Variants in ATP8A2 observed in about 807,000 individuals in gnomAD.
The protein encoded by ATP8A2 is ATPase phospholipid transporting 8A2, also known as phospholipid-transporting ATPase IB.
In ATP8A2, 100 loss-of-function variants were observed where a neutral mutation model predicts 165.6. That is an observed-to-expected ratio of 0.60 (90% CI 0.51 to 0.71). The LOEUF (loss-of-function observed/expected upper bound fraction) is 0.71, where lower values mean the gene tolerates loss of function less well. Ranked by LOEUF, ATP8A2 falls within the 30% of genes least tolerant of loss-of-function variation. ATP8A2 has a pLI of 0.00. For missense variants in ATP8A2, 1,227 were observed against 1,479.5 expected (o/e 0.83, Z 2.80); for synonymous variants, 543 against 548.8 (o/e 0.99, Z 0.15).
intron 10 of ATP8A2, among the ~76,000 whole-genome samples, chr13:25,546,312 A>G (rs1206639214): frequency 6.6e-6 from 1 of 152,206 alleles, no homozygotes; most frequent in Non-Finnish European, 1.5e-5. Flanking sequence ...GCTCATGTAT[A>G]GAATGATGGA....
intron 33 of ATP8A2, among the ~76,000 whole-genome samples, chr13:25,932,533 G>A (rs1355823273): frequency 6.6e-6 from 1 of 152,222 alleles, no homozygotes; most frequent in Non-Finnish European, 1.5e-5. Flanking sequence ...ATCAAAGGCT[G>A]CAGGTTTTCT....
At position 25,454,879 on chromosome 13, in the gene ATP8A2, G is replaced by A. The variant is rs189846575; in HGVS notation, c.77-14098G>A. Among the ~76,000 whole-genome samples the A allele has an allele frequency of 2.1e-3, 316 of 152,250 alleles. 1 individual carries two copies. The highest frequency in any genetic ancestry group is 3.6e-3 in the Non-Finnish European group (242 of 68,034). On this transcript the variant is annotated intron_variant, in intron 1 of 36. Coordinates refer to ENST00000381655, the MANE Select transcript of ATP8A2 (RefSeq NM_016529.6). ...GGAGGTTGCAGTGAGCCGAGATCAC[G>A]CCACTGTACTCCAGCCTCGCCGACA...
intron 24 of ATP8A2, among the ~76,000 whole-genome samples, chr13:25,639,464 T>C (rs1444452300): frequency 6.6e-6 from 1 of 152,148 alleles, no homozygotes; most frequent in East Asian, 1.9e-4. Flanking sequence ...TAGTCTCTGA[T>C]AAAACAGACT....
At position 25,530,582 on chromosome 13, in the gene ATP8A2, A is replaced by G; in HGVS notation, c.342A>G (p.Pro114=). The stretch of plus-strand genomic sequence containing the variant: ...TCCAGCAAATTCCAGATGTATCTCC[A>G]ACAGGAAGATATACCACCCTGGTGC... ...ALLQQIPDVS[P]TGRYTTLVPL... The change falls in exon 4 of 37, where the codon CCA becomes CCG. Residue 114 remains proline, a synonymous_variant. Transcript: ENST00000381655. The G allele has an allele frequency of 6.3e-7, 1 of 1,584,156 alleles. No homozygotes were observed. The highest frequency in any genetic ancestry group is 2.2e-5 in the East Asian group (1 of 44,472).
At chr13:25,657,085 A>C (rs2041948871) in intron 24 of ATP8A2, among the ~76,000 whole-genome samples, 1 of 145,414 alleles carries the variant, frequency 6.9e-6, no homozygotes, top group African/African-American at 2.5e-5. Flanking sequence ...AAAAAAAGAC[A>C]GATAGTTTTC....
rs146858467 is a variant in ATP8A2, at chr13:25,777,008, G to A, written c.2679+2049G>A. Among the ~76,000 whole-genome samples, 557 of 152,080 alleles carry A rather than the reference G, an allele frequency of 3.7e-3. 4 individuals are homozygous for A. Among genetic ancestry groups the A allele is most frequent in the African/African-American group, 0.013 (544 of 41,472 alleles). Reference sequence around the variant, plus strand: ...ACTTCAAGTGGGCTGAGTCTGAGAAGAGTGCAATTTTAGTCTGCCTGAAAA... The same window carrying A: ...ACTTCAAGTGGGCTGAGTCTGAGAAAAGTGCAATTTTAGTCTGCCTGAAAA... On this transcript the variant is annotated intron_variant, in intron 27 of 36. Transcript: ENST00000381655.
chr13:25,603,817 G>C (rs1380845657), intron 24 of ATP8A2, among the ~76,000 whole-genome samples: 1 of 152,170 alleles, frequency 6.6e-6, no homozygotes, highest in Non-Finnish European at 1.5e-5. Flanking sequence ...AGCAGGTAAG[G>C]TGGGGGAATA....
intron 1 of ATP8A2, among the ~76,000 whole-genome samples, chr13:25,448,097 A>T (rs2035118014): frequency 6.6e-6 from 1 of 152,178 alleles, no homozygotes; most frequent in African/African-American, 2.4e-5. Context: ...TGAAGCCCTC[A>T]TTTAGGGCCA....
chr13:25,757,730 G>A (rs1011541269), intron 25 of ATP8A2, among the ~76,000 whole-genome samples: 2 of 152,126 alleles, frequency 1.3e-5, no homozygotes, highest in East Asian at 3.8e-4. Flanking sequence ...TCAGCTGAGA[G>A]CCCCTGTTAT....
In ATP8A2 at chr13:25,372,335, G is replaced by T; in HGVS notation, c.76+47G>T. Reference sequence around the variant, plus strand: ...GAGGGAGGGTGGGCCCGGGGCGGGGGCGGCGCGGGGCGCGCCTGCGGTTAT... The same window carrying T: ...GAGGGAGGGTGGGCCCGGGGCGGGGTCGGCGCGGGGCGCGCCTGCGGTTAT... On this transcript the variant is annotated intron_variant, in intron 1 of 36. Coordinates refer to ENST00000381655, the MANE Select transcript of ATP8A2 (RefSeq NM_016529.6). This position sits in a 1 kb window ranked among gnomAD's most constrained non-coding sequence, Gnocchi z 4.8. 2 of 1,336,004 alleles carry T rather than the reference G, an allele frequency of 1.5e-6. No homozygotes were observed. The highest frequency in any genetic ancestry group is 1.5e-5 in the South Asian group (1 of 67,488). 82.8% of individuals were successfully genotyped at this position (1,336,004 alleles called of 1,614,324 possible).
chr13:25,787,238 T>A lies in ATP8A2; in HGVS notation c.2679+12279T>A, dbSNP rs600087. Among the ~76,000 whole-genome samples, 916 of 152,378 alleles carry A rather than the reference T, an allele frequency of 6.0e-3. 8 individuals are homozygous for A. Among genetic ancestry groups the A allele is most frequent in the African/African-American group, 0.021 (873 of 41,596 alleles). ...CCCCTGTCCCCCTCAGGGGACTCAG[T>A]TCCTGGCAACAGCTGGTCTGTTTTC... On this transcript the variant is annotated intron_variant, in intron 27 of 36. Coordinates refer to ENST00000381655, the MANE Select transcript of ATP8A2 (RefSeq NM_016529.6).
intron 2 of ATP8A2, among the ~76,000 whole-genome samples, chr13:25,512,914 A>C (rs1163189262): frequency 4.2e-5 from 4 of 95,334 alleles, no homozygotes; most frequent in African/African-American, 1.2e-4. Flanking sequence ...CGGGGGGCTG[A>C]CCCCCCCACC....
chr13:25,866,649 C>T (rs1192094536), intron 33 of ATP8A2, among the ~76,000 whole-genome samples: 1 of 152,110 alleles, frequency 6.6e-6, no homozygotes, highest in Non-Finnish European at 1.5e-5. Flanking sequence ...CAGAGAGACA[C>T]ACACACAGAC....
At chr13:25,650,421 A>G (rs980447375) in intron 24 of ATP8A2, among the ~76,000 whole-genome samples, 2 of 152,140 alleles carry the variant, frequency 1.3e-5, no homozygotes, top group Non-Finnish European at 2.9e-5. Context: ...TATTAATTCT[A>G]ATATGTAGAT....
At chr13:25,803,248 G>C (rs938609396) in intron 27 of ATP8A2, among the ~76,000 whole-genome samples, 9 of 152,100 alleles carry the variant, frequency 5.9e-5, no homozygotes, top group Admixed American at 3.9e-4. Flanking sequence ...ATGTGGTCAG[G>C]TTTCATGGCT....
chr13:25,957,910 A>G (rs1357002621), intron 33 of ATP8A2, among the ~76,000 whole-genome samples: 3 of 152,220 alleles, frequency 2.0e-5, no homozygotes, highest in African/African-American at 7.2e-5. Context: ...TGTGGCACAT[A>G]TAAACCATGG....
chr13:25,536,248 A>T (rs1566236534), intron 6 of ATP8A2, among the ~76,000 whole-genome samples: 1 of 150,764 alleles, frequency 6.6e-6, no homozygotes, highest in Non-Finnish European at 1.5e-5. Context: ...AGTAGCTGGG[A>T]CTACAGGTGC....
chr13:25,711,295 G>A (rs890376482), intron 25 of ATP8A2, among the ~76,000 whole-genome samples: 3 of 152,100 alleles, frequency 2.0e-5, no homozygotes, highest in Admixed American at 6.5e-5. Flanking sequence ...GTGAGCTACC[G>A]CGCCTGGCCA....
At chr13:25,604,916 C>T (rs1351736686) in intron 24 of ATP8A2, among the ~76,000 whole-genome samples, 1 of 152,206 alleles carries the variant, frequency 6.6e-6, no homozygotes, top group African/African-American at 2.4e-5. Flanking sequence ...CCCCAACTCA[C>T]AGAGAGAGAC....
Sources: allele counts gnomAD v4.1 joint callset (sites outside exome capture counted in the v4.1 genomes callset), GRCh38; gene constraint gnomAD v4.1.1; non-coding constraint Gnocchi (gnomAD v3.1); transcripts MANE v1.5; gene names NCBI Gene and HGNC (gene_info 2026-07-23, HGNC 2026-07-21).